Variants in NBEA observed in about 807,000 individuals in gnomAD.
The protein encoded by NBEA is lysosomal-trafficking regulator 2.
A neutral mutation model predicts 343.4 loss-of-function variants in NBEA; 44 were observed. The ratio of observed to expected loss-of-function variants is 0.13; its 90% CI spans 0.10 to 0.16. The LOEUF (loss-of-function observed/expected upper bound fraction) is 0.16. Ranked by LOEUF, NBEA falls within the 10% of genes least tolerant of loss-of-function variation. The pLI is 1.00. For synonymous variants in NBEA, 1,175 were observed against 1,238.7 expected (o/e 0.95, Z 1.08); for missense variants, 2,555 against 3,631.3 (o/e 0.70, Z 7.62).
intron 38 of NBEA, among the ~76,000 whole-genome samples, chr13:35,379,668 C>A (rs2041913366): frequency 6.7e-6 from 1 of 150,210 alleles, no homozygotes; most frequent in Admixed American, 6.6e-5. Flanking sequence ...GATTTGAAAA[C>A]CATTTGGAAT....
intron 11 of NBEA, among the ~76,000 whole-genome samples, chr13:35,103,336 T>C (rs888311529): frequency 4.6e-5 from 7 of 151,792 alleles, no homozygotes; most frequent in African/African-American, 1.7e-4. Flanking sequence ...GTTCTTATCT[T>C]ATTTGACCTG....
At chr13:35,206,373 A>G (rs74048947) in intron 31 of NBEA, among the ~76,000 whole-genome samples, 6,804 of 152,178 alleles carry the variant, frequency 0.045, 178 homozygotes, top group South Asian at 0.079. Context: ...TCCATAAATA[A>G]ACATCTTTGT....
At chr13:35,549,749 A>C (rs1439000082) in intron 41 of NBEA, among the ~76,000 whole-genome samples, 1 of 152,174 alleles carries the variant, frequency 6.6e-6, no homozygotes, top group Non-Finnish European at 1.5e-5. Flanking sequence ...TGATCTCATT[A>C]ACCAGTGCTT....
At chr13:35,249,152 A>C (rs1389530990) in intron 34 of NBEA, among the ~76,000 whole-genome samples, 5 of 110,344 alleles carry the variant, frequency 4.5e-5, no homozygotes, top group Admixed American at 2.6e-4. Context: ...TCCATCTTAC[A>C]AAAAAAAAAA....
intron 33 of NBEA, among the ~76,000 whole-genome samples, chr13:35,211,852 AAACT>A (rs1200560517): frequency 6.6e-6 from 1 of 151,502 alleles, no homozygotes; most frequent in Non-Finnish European, 1.5e-5. Context: ...ATAAACAAAC[AAACT>A]AAGTAACTTT....
At chr13:34,977,554 C>A (rs992123681) in intron 1 of NBEA, among the ~76,000 whole-genome samples, 1 of 152,166 alleles carries the variant, frequency 6.6e-6, no homozygotes, top group Non-Finnish European at 1.5e-5. Context: ...GGTGATCCTC[C>A]CACCTCGGCC....
intron 38 of NBEA, among the ~76,000 whole-genome samples, chr13:35,423,165 T>A (rs2044408801): frequency 6.6e-6 from 1 of 152,218 alleles, no homozygotes. Context: ...AGATCCCATT[T>A]GTCAATTTTG....
intron 10 of NBEA, among the ~76,000 whole-genome samples, chr13:35,097,817 A>G (rs1251820352): frequency 6.6e-6 from 1 of 152,042 alleles, no homozygotes; most frequent in Non-Finnish European, 1.5e-5. Flanking sequence ...TTTTTTAATG[A>G]AAGGTTTTTG....
At chr13:35,481,780 C>A (rs1370031054) in intron 41 of NBEA, among the ~76,000 whole-genome samples, 1 of 151,692 alleles carries the variant, frequency 6.6e-6, no homozygotes, top group Non-Finnish European at 1.5e-5. Flanking sequence ...TAGGTATTTC[C>A]TAACCTACAA....
intron 31 of NBEA, among the ~76,000 whole-genome samples, chr13:35,204,417 T>C (rs951186217): frequency 6.6e-5 from 10 of 151,516 alleles, no homozygotes; most frequent in Non-Finnish European, 1.3e-4. Context: ...CAAGAGAAAA[T>C]GAAGAAGCAG....
rs1487387409 is a variant in NBEA at position 35,218,127 on chromosome 13, G to A, written c.5648+6948G>A. Among the ~76,000 whole-genome samples, 3 of 152,026 alleles carry A rather than the reference G, an allele frequency of 2.0e-5. No homozygotes were observed. The East Asian group carries it at 5.8e-4, about 29-fold the overall frequency. ...GATGATGGGGGAGCTCACCTCATTG[G>A]TTTCCCTGTCCTTAGGGTTCATAGT... On this transcript the variant is annotated intron_variant, in intron 33 of 58. Coordinates refer to ENST00000379939, the MANE Select transcript of NBEA (RefSeq NM_001385012.1).
intron 38 of NBEA, among the ~76,000 whole-genome samples, chr13:35,379,877 A>G (rs1307301035): frequency 6.6e-6 from 1 of 152,158 alleles, no homozygotes; most frequent in Non-Finnish European, 1.5e-5. Flanking sequence ...CCATATCTCT[A>G]TAAATAGATC....
At chr13:35,222,827 A>G (rs1481295885) in intron 33 of NBEA, among the ~76,000 whole-genome samples, 1 of 152,122 alleles carries the variant, frequency 6.6e-6, no homozygotes, top group Non-Finnish European at 1.5e-5. Context: ...ACTTTTATAT[A>G]TCTTAACGAA....
At chr13:35,196,391 A>C (rs1283123811) in intron 31 of NBEA, 89 bp downstream of exon 31, 3 of 1,233,002 alleles carry the variant, frequency 2.4e-6, no homozygotes, top group Non-Finnish European at 3.3e-6. Flanking sequence ...AGATCTTGAA[A>C]ACTTTATTAA....
At chr13:35,162,323 A>G (rs1284102266) in intron 23 of NBEA, among the ~76,000 whole-genome samples, 3 of 152,206 alleles carry the variant, frequency 2.0e-5, no homozygotes, top group African/African-American at 7.2e-5. Context: ...ATTAATTAAG[A>G]GAGCACATCA....
At chr13:35,245,932 G>T (rs1248716023) in intron 34 of NBEA, among the ~76,000 whole-genome samples, 2 of 151,994 alleles carry the variant, frequency 1.3e-5, no homozygotes, top group African/African-American at 4.8e-5. Context: ...TCATTCCTAG[G>T]TTTGGTCATT....
intron 4 of NBEA, among the ~76,000 whole-genome samples, chr13:35,046,360 C>T (rs763940260): frequency 2.0e-5 from 3 of 152,082 alleles, no homozygotes; most frequent in Non-Finnish European, 2.9e-5. Flanking sequence ...ACTGTCTACT[C>T]GTTTTCTGTA....
At chr13:35,412,571 C>G (rs749355685) in intron 38 of NBEA, among the ~76,000 whole-genome samples, 5 of 151,908 alleles carry the variant, frequency 3.3e-5, no homozygotes, top group Admixed American at 6.6e-5. Flanking sequence ...GTATGCATAC[C>G]TCGTATTTAG....
At chr13:35,068,891 A>C (rs1355679931) in intron 8 of NBEA, among the ~76,000 whole-genome samples, 1 of 152,166 alleles carries the variant, frequency 6.6e-6, no homozygotes, top group Non-Finnish European at 1.5e-5. Flanking sequence ...AGAAAGGACA[A>C]ATCTTCTCTA....
Sources: gnomAD v4.1 joint callset for allele counts (sites outside exome capture counted in the v4.1 genomes callset) on GRCh38, gnomAD v4.1.1 for gene constraint, MANE v1.5 for transcripts, NCBI Gene and HGNC (gene_info 2026-07-23, HGNC 2026-07-21) for gene names.